ACSL3: variants seen among roughly 807,000 people sequenced by gnomAD.
ACSL3 encodes the protein acyl-CoA synthetase long chain family member 3.
In ACSL3, 34 loss-of-function variants were observed where a neutral mutation model predicts 84.7. That is an observed-to-expected ratio of 0.40 (90% CI 0.31 to 0.53). ACSL3 has a LOEUF of 0.53. Ranked by LOEUF, ACSL3 falls within the 20% of genes least tolerant of loss-of-function variation. The probability of loss-of-function intolerance (pLI) is 0.48; values close to 1 mark genes in which losing one functional copy is unlikely to be tolerated. For missense variants in ACSL3, 680 were observed against 873.1 expected (o/e 0.78, Z 2.79); for synonymous variants, 315 against 299.4 (o/e 1.05, Z -0.54).
At position 222,916,364 on chromosome 2, in the gene ACSL3, G is replaced by C. The variant is rs1460337334; in HGVS notation, c.424G>C (p.Val142Leu). Reference sequence around the variant, plus strand: ...TTGGCTTTCCTATGAAGATGTCTTTGTTCGAGCCTTTAATTTTGGAAATGG... The same window carrying C: ...TTGGCTTTCCTATGAAGATGTCTTTCTTCGAGCCTTTAATTTTGGAAATGG... ...YNWLSYEDVF[V>L]RAFNFGNGLQ... Residue 142 changes from valine to leucine, a missense_variant, in exon 5 of 17, where the codon GTT becomes CTT. Transcript: ENST00000357430. 1.2e-6 allele frequency: 2 copies of C among 1,613,904 alleles called. No homozygotes were observed. Among genetic ancestry groups the C allele is most frequent in the South Asian group, 1.1e-5 (1 of 91,056 alleles).
At chr2:222,863,433 G>T (rs546538865) in intron 1 of ACSL3, among the ~76,000 whole-genome samples, 53 of 152,268 alleles carry the variant, frequency 3.5e-4, no homozygotes, top group Non-Finnish European at 5.4e-4. Context: ...TGTCATCCCG[G>T]CTCTCATTGC....
intron 16 of ACSL3, among the ~76,000 whole-genome samples, chr2:222,935,329 C>G (rs150547920): frequency 1.1e-4 from 16 of 152,166 alleles, no homozygotes; most frequent in African/African-American, 3.9e-4. Context: ...GCCGGGACTA[C>G]CAGTGCATGC....
chr2:222,911,206 C>A (rs1386580292), intron 4 of ACSL3, among the ~76,000 whole-genome samples: 3 of 152,140 alleles, frequency 2.0e-5, no homozygotes, highest in Non-Finnish European at 4.4e-5. Context: ...TGCGCCACCA[C>A]GTCCGGCTAA....
intron 3 of ACSL3, among the ~76,000 whole-genome samples, chr2:222,901,641 T>C (rs1418253189): frequency 6.6e-6 from 1 of 152,128 alleles, no homozygotes; most frequent in Non-Finnish European, 1.5e-5. Flanking sequence ...TTTAATGAAC[T>C]AGTTATTTAG....
chr2:222,877,881 G>C (rs1695490284), intron 1 of ACSL3, among the ~76,000 whole-genome samples: 1 of 152,182 alleles, frequency 6.6e-6, no homozygotes, highest in Admixed American at 6.5e-5. Flanking sequence ...AATTATAGGT[G>C]ATCACAGTTT....
chr2:222,909,291 C>A, intron 4 of ACSL3, 141 bp downstream of exon 4: 1 of 811,422 alleles, frequency 1.2e-6, no homozygotes, highest in Non-Finnish European at 1.9e-6. Flanking sequence ...AGACTACCTT[C>A]TAATTTCTTC....
intron 8 of ACSL3, 96 bp downstream of exon 8, chr2:222,921,526 C>G: frequency 8.1e-7 from 1 of 1,227,370 alleles, no homozygotes; most frequent in Non-Finnish European, 1.1e-6. Flanking sequence ...CTAAATTAGT[C>G]CCTCAGAGTC....
At chr2:222,884,208 C>CA (rs765667681) in intron 1 of ACSL3, among the ~76,000 whole-genome samples, 22 of 152,118 alleles carry the variant, frequency 1.4e-4, no homozygotes, top group Admixed American at 2.0e-4. Context: ...CATTTGGCAC[C>CA]AGGTTTAATA....
At position 222,943,019 on chromosome 2, in the gene ACSL3, C is replaced by G. The variant is rs1412502624; in HGVS notation, c.*1365C>G. On this transcript the variant is annotated 3_prime_UTR_variant, in exon 17 of 17. Coordinates refer to ENST00000357430, the MANE Select transcript of ACSL3 (RefSeq NM_004457.5). ...ATCAGGACTTAAATCATAGGCACCA[C>G]ATTTTTCATGTCAGACTAGTTACTT... The G allele has an allele frequency of 4.7e-6, 1 of 214,186 alleles. No homozygotes were observed. The highest frequency in any genetic ancestry group is 9.4e-6 in the Non-Finnish European group (1 of 106,844). 13.3% of individuals were successfully genotyped at this position (214,186 alleles called of 1,614,324 possible).
At chr2:222,920,614 C>G (rs1480936557) in intron 7 of ACSL3, among the ~76,000 whole-genome samples, 1 of 152,138 alleles carries the variant, frequency 6.6e-6, no homozygotes, top group East Asian at 1.9e-4. Flanking sequence ...TCCCTGATAC[C>G]TTTTTTCCCC....
chr2:222,920,877 G>A (rs1696715167), intron 7 of ACSL3: 1 of 433,200 alleles, frequency 2.3e-6, no homozygotes, highest in Non-Finnish European at 4.7e-6. Flanking sequence ...CCTACCTTTG[G>A]GTCTTTGCAT....
intron 4 of ACSL3, among the ~76,000 whole-genome samples, chr2:222,913,742 G>A (rs894054371): frequency 6.6e-6 from 1 of 152,064 alleles, no homozygotes; most frequent in African/African-American, 2.4e-5. Flanking sequence ...CTTAATCTCT[G>A]GAATGAGTTT....
rs1696905615 is a variant in ACSL3, at chr2:222,927,208, A to G, written c.1465+19A>G. 6.2e-7 allele frequency: 1 copy of G among 1,604,976 alleles called. No individual in the cohort carries two copies. Among genetic ancestry groups the G allele is most frequent in the Non-Finnish European group, 8.5e-7 (1 of 1,172,562 alleles). On this transcript the variant is annotated intron_variant, in intron 12 of 16. Coordinates refer to ENST00000357430, the MANE Select transcript of ACSL3 (RefSeq NM_004457.5). The stretch of plus-strand genomic sequence containing the variant: ...TCCGAAGGTAGTGTTCTCCATGGTC[A>G]GAGGCTGGAGTGTGATGCCAGACGT...
intron 15 of ACSL3, chr2:222,933,605 T>C (rs1697093441): frequency 5.3e-6 from 1 of 187,974 alleles, no homozygotes; most frequent in East Asian, 1.4e-4. Flanking sequence ...ACAGAACTAC[T>C]CCAGAGGAAT....
chr2:222,916,665 T>A, intron 5 of ACSL3, 169 bp downstream of exon 5: 1 of 673,326 alleles, frequency 1.5e-6, no homozygotes, highest in Non-Finnish European at 2.3e-6. Context: ...ATAAATCAAT[T>A]ATATGACAAA....
chr2:222,890,366 T>G (rs1695815157), intron 2 of ACSL3, among the ~76,000 whole-genome samples: 1 of 152,206 alleles, frequency 6.6e-6, no homozygotes, highest in South Asian at 2.1e-4. Context: ...GCTTGCAAAA[T>G]TATTTTAAGC....
intron 5 of ACSL3, among the ~76,000 whole-genome samples, chr2:222,917,109 G>A (rs1696605110): frequency 6.6e-6 from 1 of 151,304 alleles, no homozygotes; most frequent in South Asian, 2.1e-4. Flanking sequence ...TCTTTTTTTT[G>A]AGATGGAGTC....
intron 13 of ACSL3, among the ~76,000 whole-genome samples, 166 bp downstream of exon 13, chr2:222,929,102 G>C (rs949091786): frequency 2.6e-5 from 4 of 152,032 alleles, no homozygotes; most frequent in African/African-American, 4.8e-5. Context: ...TATTTTTCTT[G>C]TTTCAAAGAT....
intron 1 of ACSL3, among the ~76,000 whole-genome samples, chr2:222,885,210 C>T (rs952956733): frequency 6.6e-6 from 1 of 152,146 alleles, no homozygotes; most frequent in Non-Finnish European, 1.5e-5. Context: ...GTAAAGTAAG[C>T]ATGGCACATA....
Sources: gnomAD v4.1 joint callset for allele counts (sites outside exome capture counted in the v4.1 genomes callset) on GRCh38, gnomAD v4.1.1 for gene constraint, MANE v1.5 for transcripts, NCBI Gene and HGNC (gene_info 2026-07-23, HGNC 2026-07-21) for gene names.